ATP6V0A2: variants seen among roughly 807,000 people sequenced by gnomAD.
The protein encoded by ATP6V0A2 is V-type proton ATPase 116 kDa subunit a 2.
ATP6V0A2 carries 58 observed loss-of-function variants against 104.4 expected under a neutral mutation model. The ratio of observed to expected loss-of-function variants is 0.56; its 90% confidence interval spans 0.45 to 0.69. The LOEUF is 0.69. Among genes scored for constraint, ATP6V0A2 ranks in the 30% least tolerant of loss-of-function variants. ATP6V0A2 has a pLI of 0.00. For synonymous variants in ATP6V0A2, 376 were observed against 397.9 expected, an observed-to-expected ratio of 0.95 and a Z score of 0.65; for missense variants, 938 against 1,062.9, an observed-to-expected ratio of 0.88 and a Z score of 1.63.
chr12:123,718,384 C>T (rs887080498), intron 1 of ATP6V0A2, among the ~76,000 whole-genome samples: 30 of 152,158 alleles, frequency 2.0e-4, no homozygotes, highest in African/African-American at 6.5e-4. Context: ...GCTACCGCCC[C>T]GGCCTAATTT....
intron 4 of ATP6V0A2, among the ~76,000 whole-genome samples, chr12:123,725,017 C>A (rs1297292445): frequency 6.6e-6 from 1 of 151,932 alleles, no homozygotes; most frequent in African/African-American, 2.4e-5. Context: ...CTCACTGCAC[C>A]CTCCGCCTTC....
chr12:123,755,973 CA>C (rs1956759508), intron 18 of ATP6V0A2, among the ~76,000 whole-genome samples: 1 of 150,492 alleles, frequency 6.6e-6, no homozygotes, highest in South Asian at 2.1e-4. Context: ...CCCAGCTACT[CA>C]GGAGGCTGAG....
chr12:123,755,208 A>G (rs1956751803), intron 18 of ATP6V0A2, among the ~76,000 whole-genome samples: 1 of 152,124 alleles, frequency 6.6e-6, no homozygotes, highest in African/African-American at 2.4e-5. Flanking sequence ...GTTTGTGCAA[A>G]GGGTGCAATG....
intron 1 of ATP6V0A2, among the ~76,000 whole-genome samples, chr12:123,713,343 G>C (rs1465583049): frequency 6.6e-6 from 1 of 151,952 alleles, no homozygotes; most frequent in Non-Finnish European, 1.5e-5. Context: ...TTGTGTGTAA[G>C]GACTTAAGAA....
intron 5 of ATP6V0A2, 71 bp downstream of exon 5, chr12:123,726,356 A>G: frequency 2.8e-6 from 3 of 1,083,960 alleles, no homozygotes; most frequent in Non-Finnish European, 4.3e-6. Context: ...GCTCCATAGA[A>G]GGGATGAATG....
chr12:123,742,186 C>T (rs1404457062), intron 9 of ATP6V0A2, among the ~76,000 whole-genome samples: 8 of 152,246 alleles, frequency 5.3e-5, no homozygotes, highest in African/African-American at 1.9e-4. Context: ...TACTCTTGGA[C>T]TGGACAGAAC....
intron 2 of ATP6V0A2, among the ~76,000 whole-genome samples, chr12:123,719,054 G>A (rs1956371552): frequency 6.6e-6 from 1 of 152,046 alleles, no homozygotes; most frequent in African/African-American, 2.4e-5. Context: ...AATGTGCTGT[G>A]GCTTATTTAA....
At position 123,726,351 on chromosome 12, in the gene ATP6V0A2, A is replaced by G. The variant is rs754115135; in HGVS notation, c.521+66A>G. ...TTCTTGTAAAAGGCAGATGAGCTCC[A>G]TAGAAGGGATGAATGGAGACCATTT... On this transcript the variant is annotated intron_variant, in intron 5 of 19. Transcript: ENST00000330342. The G allele has an allele frequency of 1.8e-4, 204 of 1,129,042 alleles. 1 individual carries two copies. Among genetic ancestry groups the G allele is most frequent in the Non-Finnish European group, 2.4e-4 (175 of 737,600 alleles). 69.9% of individuals were successfully genotyped at this position (1,129,042 alleles called of 1,614,324 possible). A position where few individuals can be genotyped will look rare whatever the true frequency, so the allele number is the denominator to read the frequency against.
intron 3 of ATP6V0A2, chr12:123,723,431 T>A (rs1956418914): frequency 6.6e-6 from 1 of 151,436 alleles, no homozygotes; most frequent in South Asian, 2.1e-4. Flanking sequence ...ATGTTTAGTA[T>A]GTAACTAATT....
rs1956821677 is a variant in ATP6V0A2 at position 123,761,383 on chromosome 12, A to G, written c.*3351A>G. 6.6e-6 allele frequency: 1 copy of G among 152,224 alleles called. No homozygotes were observed. The highest frequency in any genetic ancestry group is 2.1e-4 in the South Asian group (1 of 4,828). 9.4% of individuals were successfully genotyped at this position (152,224 alleles called of 1,614,324 possible). ...ATAAATTCCTCTATTAAAAACGTAA[A>G]GCCGGGTTTGCTTGCGTGCCACAGG... On this transcript the variant is annotated 3_prime_UTR_variant, in exon 20 of 20. Transcript: ENST00000330342.
At chr12:123,712,789 G>A in intron 1 of ATP6V0A2, 107 bp downstream of exon 1, 1 of 940,458 alleles carries the variant, frequency 1.1e-6, no homozygotes, top group East Asian at 2.6e-5. Context: ...GGCGCGCCCC[G>A]TCCCCATTGT....
chr12:123,740,814 T>G (rs1165940350), intron 9 of ATP6V0A2, among the ~76,000 whole-genome samples: 1 of 152,194 alleles, frequency 6.6e-6, no homozygotes, highest in Non-Finnish European at 1.5e-5. Context: ...GAAGGGTTCT[T>G]CACTTTTGTG....
intron 9 of ATP6V0A2, among the ~76,000 whole-genome samples, chr12:123,738,093 G>A (rs1956572995): frequency 6.6e-6 from 1 of 152,180 alleles, no homozygotes; most frequent in African/African-American, 2.4e-5. Context: ...GAGTGAAGGG[G>A]AATACCTTTT....
At chr12:123,740,190 G>C (rs1276533371) in intron 9 of ATP6V0A2, among the ~76,000 whole-genome samples, 3 of 140,226 alleles carry the variant, frequency 2.1e-5, no homozygotes, top group Non-Finnish European at 4.6e-5. Flanking sequence ...TTTACAGAAT[G>C]TCTCTCTCTC....
At position 123,744,356 on chromosome 12, in the gene ATP6V0A2, C is replaced by T. The variant is rs755510088; in HGVS notation, c.1326+19C>T. 17 of 1,613,968 alleles carry T rather than the reference C, an allele frequency of 1.1e-5. No individual in the cohort carries two copies. Among genetic ancestry groups the T allele is most frequent in the Non-Finnish European group, 1.4e-5 (17 of 1,179,980 alleles). ...ACAAGAGGTAAAAATATAAACACTC[C>T]AGCTCATATATCTGGTTAGGTGGCA... is the stretch of plus-strand genomic sequence containing the variant. On this transcript the variant is annotated intron_variant, in intron 11 of 19. Transcript: ENST00000330342. This position sits in a 1 kb window ranked among gnomAD's most constrained non-coding sequence, Gnocchi z 5.4.
intron 5 of ATP6V0A2, 125 bp from the exon 6 acceptor site, chr12:123,727,651 GATGTTTT>G (rs1956460916): frequency 4.9e-6 from 5 of 1,016,280 alleles, no homozygotes; most frequent in Non-Finnish European, 7.7e-6. Context: ...CAGCACCTGA[GATGTTTT>G]GCAGTTGGAG....
At chr12:123,747,038 G>A (rs756713127) in intron 13 of ATP6V0A2, among the ~76,000 whole-genome samples, 4 of 152,206 alleles carry the variant, frequency 2.6e-5, no homozygotes, top group Non-Finnish European at 5.9e-5. Context: ...GTCAATGAGT[G>A]GGGAAGTTAC....
At chr12:123,745,061 A>G (rs1956648165) in intron 13 of ATP6V0A2, 89 bp downstream of exon 13, 5 of 1,306,248 alleles carry the variant, frequency 3.8e-6, no homozygotes, top group Admixed American at 1.7e-5. Context: ...ACTGTTGAGC[A>G]GGGTTCACGC....
chr12:123,748,919 T>C (rs1956688639), intron 15 of ATP6V0A2, 134 bp downstream of exon 15: 1 of 894,162 alleles, frequency 1.1e-6, no homozygotes, highest in East Asian at 2.5e-5. Context: ...GTGTCATCAC[T>C]GGAGGATGCC....
Sources: allele counts gnomAD v4.1 joint callset (sites outside exome capture counted in the v4.1 genomes callset), GRCh38; gene constraint gnomAD v4.1.1; non-coding constraint Gnocchi (gnomAD v3.1); transcripts MANE v1.5; gene names NCBI Gene and HGNC (gene_info 2026-07-23, HGNC 2026-07-21).